Variants in ADCY8 observed in about 807,000 individuals in gnomAD.
The protein encoded by ADCY8 is adenylate cyclase 8, also known as adenylate cyclase type 8.
A neutral mutation model predicts 119.7 loss-of-function variants in ADCY8; 51 were observed. The observed-to-expected ratio is 0.43, with a 90% confidence interval of 0.34 to 0.54. The LOEUF (loss-of-function observed/expected upper bound fraction) is 0.54. ADCY8 is among the 20% of genes least tolerant of loss of function. ADCY8 has a pLI of 0.03. For synonymous variants in ADCY8, 665 were observed against 651.0 expected, an observed-to-expected ratio of 1.02 and a Z score of -0.33; for missense variants, 1,383 against 1,598.8, an observed-to-expected ratio of 0.87 and a Z score of 2.30.
At chr8:130,950,093 T>C (rs1185009972) in intron 3 of ADCY8, among the ~76,000 whole-genome samples, 1 of 152,192 alleles carries the variant, frequency 6.6e-6, no homozygotes, top group East Asian at 1.9e-4. Context: ...AAGTGCAAAA[T>C]TGTCCTCTAT....
chr8:130,782,613 G>A (rs1815120273), intron 17 of ADCY8, among the ~76,000 whole-genome samples: 1 of 152,190 alleles, frequency 6.6e-6, no homozygotes, highest in South Asian at 2.1e-4. Context: ...CAGCATTACA[G>A]TTCCCTTTTT....
chr8:130,805,721 T>A (rs1274945373), intron 14 of ADCY8, among the ~76,000 whole-genome samples: 5 of 152,196 alleles, frequency 3.3e-5, no homozygotes, highest in Non-Finnish European at 5.9e-5. Flanking sequence ...AACCTTTAGC[T>A]CCTTCCTGTG....
intron 2 of ADCY8, among the ~76,000 whole-genome samples, chr8:130,960,435 G>C (rs988492784): frequency 2.8e-5 from 3 of 107,526 alleles, no homozygotes; most frequent in Non-Finnish European, 6.4e-5. Context: ...AATTAACAAA[G>C]GAAATGAAAC....
At chr8:131,030,710 G>A (rs538277981) in intron 1 of ADCY8, among the ~76,000 whole-genome samples, 2 of 152,286 alleles carry the variant, frequency 1.3e-5, no homozygotes, top group South Asian at 4.1e-4. Context: ...AACCCAGCAG[G>A]CAGTCAACAA....
chr8:130,992,387 A>ATATATTGAGCAACTGTGCC, intron 1 of ADCY8, among the ~76,000 whole-genome samples: 2 of 85,374 alleles, frequency 2.3e-5, no homozygotes, highest in African/African-American at 1.2e-4. Context: ...TCTGGCATAT[A>ATATATTGAGCAACTGTGCC]TATATATATA....
chr8:131,010,299 G>A (rs1823260625), intron 1 of ADCY8, among the ~76,000 whole-genome samples: 1 of 152,180 alleles, frequency 6.6e-6, no homozygotes, highest in Non-Finnish European at 1.5e-5. Flanking sequence ...GGGAGATGCT[G>A]CTTCTAGGGG....
At chr8:130,996,151 G>GA (rs1408042106) in intron 1 of ADCY8, among the ~76,000 whole-genome samples, 22 of 151,518 alleles carry the variant, frequency 1.5e-4, no homozygotes, top group Admixed American at 1.3e-3. Context: ...AGCTAGAAAA[G>GA]AAAAAAAGTA....
intron 1 of ADCY8, among the ~76,000 whole-genome samples, chr8:131,003,206 T>TCTCACATACA (rs372048150): frequency 2.9e-5 from 4 of 137,488 alleles, no homozygotes; most frequent in Non-Finnish European, 6.3e-5. Context: ...TGAAACACCA[T>TCTCACATACA]CACACACACA....
intron 1 of ADCY8, among the ~76,000 whole-genome samples, chr8:131,034,037 T>C (rs1169161916): frequency 6.6e-6 from 1 of 152,016 alleles, no homozygotes; most frequent in Non-Finnish European, 1.5e-5. Flanking sequence ...TATTTGGGGT[T>C]TTAAGAAATG....
At chr8:130,920,908 C>T (rs1820281555) in intron 5 of ADCY8, among the ~76,000 whole-genome samples, 1 of 152,196 alleles carries the variant, frequency 6.6e-6, no homozygotes, top group Non-Finnish European at 1.5e-5. Context: ...ACAATATCAA[C>T]TCTTCCCTGG....
At position 130,844,759 on chromosome 8, in the gene ADCY8, T is replaced by C. The variant is rs867207465; in HGVS notation, c.2502+2665A>G. Among the ~76,000 whole-genome samples, 3 of 152,154 alleles carry C rather than the reference T, an allele frequency of 2.0e-5. No homozygotes were observed. The South Asian group carries it at 6.2e-4, about 31-fold the overall frequency. On this transcript the variant is annotated intron_variant, in intron 11 of 17. Coordinates refer to ENST00000286355, the MANE Select transcript of ADCY8 (RefSeq NM_001115.3). The stretch of plus-strand genomic sequence containing the variant: ...CAGATCAGGTGGTTGTTGCAGCTGG[T>C]GAATTTGGCCTGTGGCTGTAGTTTG...
chr8:130,810,339 T>G (rs1816122649), intron 14 of ADCY8, among the ~76,000 whole-genome samples: 1 of 135,892 alleles, frequency 7.4e-6, no homozygotes, highest in Admixed American at 8.1e-5. Flanking sequence ...TGTCTTTCTC[T>G]CTTTTTCTAC....
At chr8:130,808,016 A>AAT (rs1816030783) in intron 14 of ADCY8, among the ~76,000 whole-genome samples, 1 of 139,332 alleles carries the variant, frequency 7.2e-6, no homozygotes, top group African/African-American at 2.6e-5. Context: ...AAAAAAAAAA[A>AAT]AAAAATTGGC....
chr8:130,932,809 GC>G (rs1362387733), intron 5 of ADCY8, among the ~76,000 whole-genome samples: 1 of 152,116 alleles, frequency 6.6e-6, no homozygotes, highest in African/African-American at 2.4e-5. Context: ...GACGACCCTG[GC>G]CTTTCGTGAT....
chr8:131,017,708 G>A (rs567397114), intron 1 of ADCY8, among the ~76,000 whole-genome samples: 1 of 152,200 alleles, frequency 6.6e-6, no homozygotes, highest in Admixed American at 6.5e-5. Flanking sequence ...GCCGACGATG[G>A]AGCCTACTAG....
At chr8:130,814,541 G>A (rs150369063) in intron 13 of ADCY8, among the ~76,000 whole-genome samples, 20 of 152,224 alleles carry the variant, frequency 1.3e-4, no homozygotes, top group Non-Finnish European at 1.9e-4. Context: ...GTCCATTCTC[G>A]TGGTGCTAAT....
intron 8 of ADCY8, among the ~76,000 whole-genome samples, chr8:130,879,583 C>T (rs1818693508): frequency 6.6e-6 from 1 of 151,900 alleles, no homozygotes; most frequent in African/African-American, 2.4e-5. Flanking sequence ...TCTCTTTCAC[C>T]CACCCCTAGG....
At chr8:130,880,993 C>G (rs1818751273) in intron 8 of ADCY8, among the ~76,000 whole-genome samples, 2 of 152,162 alleles carry the variant, frequency 1.3e-5, no homozygotes, top group African/African-American at 4.8e-5. Flanking sequence ...GAGTCATGAG[C>G]ATACTGTTCT....
In ADCY8 at chr8:130,780,552, T is replaced by G. The variant is rs75659147; in HGVS notation, c.3594A>C (p.Gly1198=). 31 of 1,614,030 alleles carry G rather than the reference T, an allele frequency of 1.9e-5. No individual in the cohort carries two copies. The highest frequency in any genetic ancestry group is 2.6e-5 in the Non-Finnish European group (31 of 1,180,034). Residue 1198 remains glycine (G), a synonymous_variant, in exon 18 of 18, where the codon GGA becomes GGC. Transcript: ENST00000286355. The stretch of plus-strand genomic sequence containing the variant: ...TTTGCCTATTGAGGGACTGGACAAG[T>G]CCCAGGACAACCGCGGCCAGGGAGT... The part of the protein sequence containing the change: ...GQYSLAAVVL[G]LVQSLNRQRQ...
Sources: gnomAD v4.1 joint callset for allele counts (sites outside exome capture counted in the v4.1 genomes callset) on GRCh38, gnomAD v4.1.1 for gene constraint, MANE v1.5 for transcripts, NCBI Gene and HGNC (gene_info 2026-07-23, HGNC 2026-07-21) for gene names.